The following NBN variants were observed in gnomAD, a reference collection of about 807,000 sequenced individuals.
The protein encoded by NBN is Nijmegen breakage syndrome 1 (nibrin).
A neutral mutation model predicts 90.8 loss-of-function variants in NBN; 88 were observed. The observed-to-expected ratio is 0.97, with a 90% CI of 0.82 to 1.16. The LOEUF (loss-of-function observed/expected upper bound fraction) is 1.16, where lower values mean the gene tolerates loss of function less well. Among genes scored for constraint, NBN ranks in the 50% most tolerant of loss-of-function variants. NBN has a pLI of 0.00. For synonymous variants in NBN, 328 were observed against 295.1 expected (o/e 1.11, Z -1.14); for missense variants, 894 against 869.6 (o/e 1.03, Z -0.35).
At chr8:89,970,688 C>A in intron 6 of NBN, 131 bp from the exon 7 acceptor site, 1 of 889,612 alleles carries the variant, frequency 1.1e-6, no homozygotes, top group Non-Finnish European at 1.8e-6. Context: ...GTCATTTCAG[C>A]TTCCACTTTG....
Position 89,936,060 on chromosome 8 carries a change from A to C in NBN, c.2235-448T>G, listed in dbSNP as rs1260861427. The C allele has an allele frequency of 7.8e-6, 3 of 382,176 alleles. No homozygotes were observed. In the East Asian group the frequency reaches 2.5e-4, roughly 32 times the overall value. 23.7% of individuals were successfully genotyped at this position (382,176 alleles called of 1,614,324 possible). On this transcript the variant is annotated intron_variant, in intron 15 of 15. Coordinates refer to ENST00000265433, the MANE Select transcript of NBN (RefSeq NM_002485.5). ...CTGAACAACCCATCTCATTTGACTAATGAAAAACCAGTATTGTCTGTCAAC... is the reference window on the plus strand; with the variant it reads ...CTGAACAACCCATCTCATTTGACTACTGAAAAACCAGTATTGTCTGTCAAC...
intron 4 of NBN, 130 bp downstream of exon 4, chr8:89,980,604 G>A: frequency 1.4e-6 from 1 of 713,000 alleles, no homozygotes; most frequent in Non-Finnish European, 2.3e-6. Context: ...AAGGGATGGA[G>A]TGGGTATATA....
At chr8:89,943,450 G>A (rs1810045994) in intron 13 of NBN, 84 bp from the exon 14 acceptor site, 3 of 1,363,196 alleles carry the variant, frequency 2.2e-6, no homozygotes, top group Admixed American at 3.5e-5. Context: ...AAGCAAAGAT[G>A]GTAAATCATG....
At chr8:89,948,531 C>T (rs753591986) in intron 11 of NBN, among the ~76,000 whole-genome samples, 8 of 152,080 alleles carry the variant, frequency 5.3e-5, no homozygotes, top group Non-Finnish European at 8.8e-5. Flanking sequence ...ATGTCCTAGA[C>T]GGAACAATAT....
chr8:89,976,687 G>A (rs538309475), intron 5 of NBN, among the ~76,000 whole-genome samples: 8 of 152,262 alleles, frequency 5.3e-5, no homozygotes, highest in Admixed American at 4.6e-4. Context: ...CTCTTTCACT[G>A]GATACCTGTG....
Position 89,953,801 on chromosome 8 carries a change from T to C in NBN, c.1398-110A>G. On this transcript the variant is annotated intron_variant, in intron 10 of 15. Coordinates refer to ENST00000265433, the MANE Select transcript of NBN (RefSeq NM_002485.5). ...CCTCCATTTAGTTCACAATGTACTC[T>C]TGATTTTATTAACAATATTACTGGA... is the stretch of plus-strand genomic sequence containing the variant. 3.7e-6 allele frequency: 3 copies of C among 802,438 alleles called. No homozygotes were observed. In the South Asian group the frequency reaches 4.9e-5, roughly 13 times the overall value. The allele number at this position is 802,438 out of a possible 1,614,324, so 49.7% of individuals were successfully genotyped here. A position where few individuals can be genotyped will look rare whatever the true frequency, so the allele number is the denominator to read the frequency against.
At chr8:89,964,590 CT>C (rs1370902496) in intron 7 of NBN, 83 bp from the exon 8 acceptor site, 21 of 1,326,292 alleles carry the variant, frequency 1.6e-5, no homozygotes, top group South Asian at 6.3e-5. Flanking sequence ...AAAGCAACCT[CT>C]TTTTTTTCCT....
At chr8:89,951,818 TCAA>T (rs964399126) in intron 11 of NBN, among the ~76,000 whole-genome samples, 39 of 152,300 alleles carry the variant, frequency 2.6e-4, no homozygotes, top group African/African-American at 7.5e-4. Flanking sequence ...ATCCGATAAT[TCAA>T]CATTCATTCT....
At position 89,982,747 on chromosome 8, in the gene NBN, G is replaced by A. The variant is rs1450189149; in HGVS notation, c.146C>T (p.Thr49Ile). The change falls in exon 2 of 16, where the codon ACT becomes ATT. Residue 49 changes from threonine (T) to isoleucine (I), a missense_variant. Physicochemically the swap from Thr to Ile is moderately conservative, Grantham distance 89. Transcript: ENST00000265433. Reference protein sequence around the residue: ...QSISRNHAVLTANFSVTNLSQ... With the variant: ...QSISRNHAVLIANFSVTNLSQ... ...CAGGTTGGTTACAGAAAAGTTAGCA[G>A]TTAACACAGCATGATTTCGGCTGAT... 6 of 1,613,992 alleles carry A rather than the reference G, an allele frequency of 3.7e-6. No individual in the cohort carries two copies. Among genetic ancestry groups the A allele is most frequent in the Non-Finnish European group, 8.5e-7 (1 of 1,179,946 alleles).
intron 7 of NBN, among the ~76,000 whole-genome samples, chr8:89,964,798 A>C (rs530646466): frequency 6.6e-6 from 1 of 152,320 alleles, no homozygotes; most frequent in African/African-American, 2.4e-5. Flanking sequence ...AGAATACAGT[A>C]CTACCCAAAT....
At chr8:89,973,773 G>T (rs1811621017) in intron 5 of NBN, among the ~76,000 whole-genome samples, 1 of 152,138 alleles carries the variant, frequency 6.6e-6, no homozygotes, top group Non-Finnish European at 1.5e-5. Flanking sequence ...TGGAAAATAG[G>T]AAAGTAACCT....
intron 11 of NBN, among the ~76,000 whole-genome samples, chr8:89,953,039 G>A (rs1241036950): frequency 6.6e-6 from 1 of 152,036 alleles, no homozygotes; most frequent in Non-Finnish European, 1.5e-5. Context: ...TCATATGAAA[G>A]TTTAATTTGT....
At chr8:89,946,384 C>G (rs1810195461) in intron 12 of NBN, 89 bp from the exon 13 acceptor site, 2 of 1,123,060 alleles carry the variant, frequency 1.8e-6, no homozygotes, top group Non-Finnish European at 2.7e-6. Context: ...GAAAAAAGTT[C>G]AAATACCTGA....
rs2129938188 is a variant in NBN at position 89,984,540 on chromosome 8, C to T, written c.22G>A (p.Ala8Thr). The T allele has an allele frequency of 6.2e-7, 1 of 1,613,188 alleles. No homozygotes were observed. The highest frequency in any genetic ancestry group is 8.5e-7 in the Non-Finnish European group (1 of 1,179,766). ...CTGCCCTTACCTCCTGCCGGGCCCG[C>T]GGCGGGCAGCAGTTTCCACATCGGT... MWKLLPA[A>T]GPAGGEPYRL... Residue 8 changes from alanine (A) to threonine (T), a missense_variant, in exon 1 of 16, where the codon GCG (alanine) becomes ACG (threonine). Physicochemically the swap from Ala to Thr is moderately conservative, Grantham distance 58. Transcript: ENST00000265433.
intron 8 of NBN, among the ~76,000 whole-genome samples, chr8:89,963,224 A>G (rs1452378324): frequency 6.6e-6 from 1 of 152,230 alleles, no homozygotes; most frequent in Non-Finnish European, 1.5e-5. Flanking sequence ...AGCTTAGCAC[A>G]TTCCTTACTT....
In NBN at chr8:89,953,432, T is replaced by C. The variant is rs746347634; in HGVS notation, c.1657A>G (p.Met553Val). Residue 553 changes from methionine (M) to valine (V), a missense_variant, in exon 11 of 16, where the codon ATG (methionine) becomes GTG (valine). Transcript: ENST00000265433. ...EKLRSNKKREMDDVAIEDEVL... is the reference protein window; with the variant it reads ...EKLRSNKKREVDDVAIEDEVL... ...TCATCTTCTATGGCCACATCATCCA[T>C]TTCCCTTTTTTTATTTGATCTTAGC... 2.5e-6 allele frequency: 4 copies of C among 1,613,876 alleles called. No individual in the cohort carries two copies. In the East Asian group the frequency reaches 6.7e-5, roughly 27 times the overall value.
intron 1 of NBN, 51 bp from the exon 2 acceptor site, chr8:89,982,906 T>C (rs372803797): frequency 4.5e-6 from 7 of 1,565,420 alleles, no homozygotes; most frequent in South Asian, 3.3e-5. Context: ...CACATACACA[T>C]GTACACGAAC....
At chr8:89,979,552 A>AAGT (rs941914313) in intron 4 of NBN, among the ~76,000 whole-genome samples, 80 of 151,180 alleles carry the variant, frequency 5.3e-4, no homozygotes, top group Non-Finnish European at 1.0e-3. Context: ...TGTTGTTTTT[A>AAGT]AGTAGCTAAT....
intron 14 of NBN, among the ~76,000 whole-genome samples, chr8:89,938,274 T>C (rs1013461974): frequency 7.7e-4 from 117 of 152,340 alleles, no homozygotes; most frequent in South Asian, 1.4e-3. Flanking sequence ...TGAGATGACA[T>C]ACAGCAGTTC....
Sources: allele counts gnomAD v4.1 joint callset (sites outside exome capture counted in the v4.1 genomes callset), GRCh38; gene constraint gnomAD v4.1.1; transcripts MANE v1.5; gene names NCBI Gene and HGNC (gene_info 2026-07-23, HGNC 2026-07-21).